Variants in CCAR1 observed in about 807,000 individuals in gnomAD.
CCAR1 encodes the protein cell division cycle and apoptosis regulator protein 1.
In CCAR1, 78 loss-of-function variants were observed where a neutral mutation model predicts 163.8. That is an observed-to-expected ratio of 0.48 (90% CI 0.40 to 0.57). CCAR1 has a LOEUF of 0.57. Among genes scored for constraint, CCAR1 ranks in the 20% least tolerant of loss-of-function variants. The pLI is 0.00. For missense variants in CCAR1, 1,019 were observed against 1,365.2 expected (o/e 0.75, Z 4.00); for synonymous variants, 443 against 460.7 (o/e 0.96, Z 0.49).
intron 2 of CCAR1, among the ~76,000 whole-genome samples, chr10:68,736,099 C>T (rs1464075331): frequency 2.6e-5 from 4 of 152,054 alleles, no homozygotes; most frequent in Admixed American, 6.6e-5. Context: ...GTGATCCTCC[C>T]GCCTCGGTTT....
chr10:68,743,280 T>C (rs1373471876), intron 6 of CCAR1, among the ~76,000 whole-genome samples: 3 of 150,444 alleles, frequency 2.0e-5, no homozygotes, highest in Non-Finnish European at 3.0e-5. Context: ...CACGGCAACC[T>C]CCACCTCCCA....
chr10:68,763,384 C>T (rs996768150), intron 16 of CCAR1, among the ~76,000 whole-genome samples: 1 of 151,698 alleles, frequency 6.6e-6, no homozygotes, highest in Non-Finnish European at 1.5e-5. Context: ...CTCTTGACCT[C>T]GTGATCCACC....
intron 24 of CCAR1, 142 bp from the exon 25 acceptor site, chr10:68,791,065 A>C (rs2056847264): frequency 2.2e-6 from 1 of 463,678 alleles, no homozygotes; most frequent in Non-Finnish European, 3.9e-6. Flanking sequence ...GTCACCATTA[A>C]TTTTAAGATA....
At chr10:68,751,813 G>A (rs1049754597) in intron 10 of CCAR1, among the ~76,000 whole-genome samples, 14 of 151,552 alleles carry the variant, frequency 9.2e-5, no homozygotes, top group African/African-American at 1.7e-4. Context: ...GCAGTGTGCC[G>A]AGATTGCACC....
intron 6 of CCAR1, among the ~76,000 whole-genome samples, chr10:68,745,951 AT>A (rs2056248473): frequency 6.6e-6 from 1 of 151,650 alleles, no homozygotes. Context: ...ACTTTTTCTT[AT>A]TTTTTTATTT....
rs773719558 is a variant in CCAR1, at chr10:68,753,979, T to C, written c.1246T>C (p.Tyr416His). ...GTCAAGACCATTTCAGCTGGGAAAT[T>C]ACTGCAATTTTTATGTAATGCACAG... is the stretch of plus-strand genomic sequence containing the variant. ...PLSRPFQLGN[Y>H]CNFYVMHREV... is the part of the protein sequence containing the mutation. Residue 416 changes from tyrosine (Y) to histidine (H), a missense_variant, in exon 11 of 25, where the codon TAC becomes CAC. Tyr to His is a moderately conservative substitution (Grantham distance 83). Around this residue, in one of 4 missense-constraint regions of CCAR1, gnomAD observed 644 missense variants for 904.4 expected, o/e 0.71. Transcript: ENST00000265872. 1 of 1,614,008 alleles carries C rather than the reference T, an allele frequency of 6.2e-7. No individual in the cohort carries two copies. The highest frequency in any genetic ancestry group is 8.5e-7 in the Non-Finnish European group (1 of 1,179,902).
chr10:68,775,327 ACAG>A (rs1383602608), intron 19 of CCAR1, among the ~76,000 whole-genome samples: 4 of 152,158 alleles, frequency 2.6e-5, no homozygotes, highest in African/African-American at 9.7e-5. Flanking sequence ...TAATATTCAT[ACAG>A]CAGTGTTTAT....
Position 68,774,144 on chromosome 10 carries a change from G to A in CCAR1, c.2650+1045G>A, listed in dbSNP as rs531688758. Reference sequence around the variant, plus strand: ...CCACCTCAGGTGATCCACCTACCTCGGCCTCCCAATGTGCTGGGATTACAG... The same window carrying A: ...CCACCTCAGGTGATCCACCTACCTCAGCCTCCCAATGTGCTGGGATTACAG... On this transcript the variant is annotated intron_variant, in intron 19 of 24. Coordinates refer to ENST00000265872, the MANE Select transcript of CCAR1 (RefSeq NM_018237.4). 2.0e-5 allele frequency among the ~76,000 whole-genome samples: 3 copies of A among 151,614 alleles called. No homozygotes were observed. The South Asian group carries it at 6.2e-4, about 32-fold the overall frequency.
chr10:68,743,813 C>A (rs1176626775), intron 6 of CCAR1, among the ~76,000 whole-genome samples: 1 of 151,998 alleles, frequency 6.6e-6, no homozygotes, highest in African/African-American at 2.4e-5. Flanking sequence ...TGCAGTGGTG[C>A]GATCTCAGTT....
Position 68,757,296 on chromosome 10 carries a change from TGAA to T in CCAR1, c.1845_1847del (p.Glu616del). On this transcript the variant is annotated inframe_deletion, in exon 15 of 25. Coordinates refer to ENST00000265872, the MANE Select transcript of CCAR1 (RefSeq NM_018237.4). ...ACATTCTTAACTTTGTATGTCAGGA[TGAA>T]GAAGAGAAGGATGATGGTGAAGCTA... 6.6e-7 allele frequency: 1 copy of T among 1,506,488 alleles called. No homozygotes were observed. 93.3% of individuals were successfully genotyped at this position (1,506,488 alleles called of 1,614,324 possible). A position where few individuals can be genotyped will look rare whatever the true frequency, so the allele number is the denominator to read the frequency against.
intron 19 of CCAR1, among the ~76,000 whole-genome samples, chr10:68,777,843 G>C (rs2056686889): frequency 6.6e-6 from 1 of 151,778 alleles, no homozygotes; most frequent in South Asian, 2.1e-4. Flanking sequence ...GAGCTGGTAG[G>C]ATCACTTGAG....
At chr10:68,722,778 C>T (rs572497472) in intron 2 of CCAR1, among the ~76,000 whole-genome samples, 2 of 152,002 alleles carry the variant, frequency 1.3e-5, no homozygotes, top group African/African-American at 2.4e-5. Flanking sequence ...TAAAATTAGC[C>T]GGGCCTGGTG....
chr10:68,755,340 A>G, intron 12 of CCAR1, 30 bp from the exon 13 acceptor site: 1 of 1,592,080 alleles, frequency 6.3e-7, no homozygotes, highest in Non-Finnish European at 8.6e-7. Flanking sequence ...GGTGCGTAAT[A>G]TATGTAAATG....
At chr10:68,721,564 T>C (rs2055857451) in intron 1 of CCAR1, 1 of 449,600 alleles carries the variant, frequency 2.2e-6, no homozygotes, top group Non-Finnish European at 4.5e-6. Context: ...CGCCGCCCCA[T>C]TGCTCCCGAG....
At chr10:68,730,251 C>T (rs767818336) in intron 2 of CCAR1, among the ~76,000 whole-genome samples, 4 of 149,012 alleles carry the variant, frequency 2.7e-5, no homozygotes, top group Non-Finnish European at 5.9e-5. Context: ...AGCTTGTGGT[C>T]AATAAATTAT....
chr10:68,741,927 A>G (rs1003122878), intron 5 of CCAR1, among the ~76,000 whole-genome samples: 4 of 152,236 alleles, frequency 2.6e-5, no homozygotes, highest in Non-Finnish European at 4.4e-5. Context: ...CACGTAACTC[A>G]TAACTCCTAT....
Position 68,787,924 on chromosome 10 carries a change from C to T in CCAR1, c.2881-3C>T. 1 of 1,597,766 alleles carries T rather than the reference C, an allele frequency of 6.3e-7. No homozygotes were observed. Among genetic ancestry groups the T allele is most frequent in the South Asian group, 1.1e-5 (1 of 87,190 alleles). On this transcript the variant is annotated splice_region_variant and splice_polypyrimidine_tract_variant and intron_variant, in intron 21 of 24. Transcript: ENST00000265872. Reference sequence around the variant, plus strand: ...GTATTTTGTTTACTTGCATGCATAACAGGTAAAGAAGCTTCTTAATAAAGT... The same window carrying T: ...GTATTTTGTTTACTTGCATGCATAATAGGTAAAGAAGCTTCTTAATAAAGT...
At chr10:68,751,485 A>G (rs2056330026) in intron 10 of CCAR1, among the ~76,000 whole-genome samples, 1 of 152,164 alleles carries the variant, frequency 6.6e-6, no homozygotes. Flanking sequence ...ATTTTAACCC[A>G]TCTGTTCTCA....
At chr10:68,763,395 C>T (rs931403641) in intron 16 of CCAR1, among the ~76,000 whole-genome samples, 1 of 151,816 alleles carries the variant, frequency 6.6e-6, no homozygotes, top group African/African-American at 2.4e-5. Flanking sequence ...GTGATCCACC[C>T]GCCTCAGCCT....
Sources: gnomAD v4.1 joint callset for allele counts (sites outside exome capture counted in the v4.1 genomes callset) on GRCh38, gnomAD v4.1.1 for gene constraint, gnomAD v4.1.1 regional missense constraint, MANE v1.5 for transcripts, NCBI Gene and HGNC (gene_info 2026-07-23, HGNC 2026-07-21) for gene names.